Variants in WDFY2 observed in about 807,000 individuals in gnomAD.
WDFY2 encodes WD repeat and FYVE domain containing 2, also known as WD repeat and FYVE domain-containing protein 2.
In WDFY2, 36 loss-of-function variants were observed where a neutral mutation model predicts 56.4. That is an observed-to-expected ratio of 0.64 (90% CI 0.49 to 0.84). The LOEUF is 0.84. WDFY2 is among the 40% of genes least tolerant of loss of function. The pLI, the probability that WDFY2 is intolerant of heterozygous loss-of-function variation, is 0.00. For synonymous variants in WDFY2, 176 were observed against 183.7 expected, an observed-to-expected ratio of 0.96 and a Z score of 0.34; for missense variants, 444 against 512.2, an observed-to-expected ratio of 0.87 and a Z score of 1.29.
intron 1 of WDFY2, among the ~76,000 whole-genome samples, chr13:51,598,186 C>A (rs946451471): frequency 1.3e-5 from 2 of 152,038 alleles, no homozygotes; most frequent in Admixed American, 1.3e-4. Context: ...ATGGTGAAAC[C>A]CTGTCTCTAC....
chr13:51,594,736 G>T (rs571927867), intron 1 of WDFY2, among the ~76,000 whole-genome samples: 1 of 152,178 alleles, frequency 6.6e-6, no homozygotes, highest in Non-Finnish European at 1.5e-5. Context: ...CTCAGTTTCC[G>T]TGTCTGCAAA....
chr13:51,679,974 A>G (rs1955950845), intron 3 of WDFY2, among the ~76,000 whole-genome samples: 1 of 152,028 alleles, frequency 6.6e-6, no homozygotes, highest in South Asian at 2.1e-4. Context: ...GCCCACGCCA[A>G]AGAGCAGTGG....
intron 1 of WDFY2, among the ~76,000 whole-genome samples, chr13:51,614,186 CAAAAAAAAAAAAA>C (rs771044291): frequency 1.6e-5 from 1 of 60,948 alleles, no homozygotes; most frequent in East Asian, 4.7e-4. Context: ...ACTCGGTCTC[CAAAAAAAAAAAAA>C]AAAAAAAAAA....
intron 1 of WDFY2, 96 bp from the exon 2 acceptor site, chr13:51,660,500 C>T (rs1289492343): frequency 8.1e-7 from 1 of 1,227,068 alleles, no homozygotes; most frequent in African/African-American, 1.5e-5. Context: ...CCTGGCCTCT[C>T]TATATATAAT....
intron 2 of WDFY2, among the ~76,000 whole-genome samples, chr13:51,670,187 A>G (rs931375193): frequency 6.6e-6 from 1 of 151,764 alleles, no homozygotes; most frequent in Middle Eastern, 3.2e-3. Context: ...CCCCTTTGAT[A>G]TTTGTCTTGC....
intron 2 of WDFY2, 138 bp from the exon 3 acceptor site, chr13:51,675,031 TG>T: frequency 1.5e-6 from 1 of 677,986 alleles, no homozygotes; most frequent in Non-Finnish European, 2.6e-6. Context: ...TTTTATTTTT[TG>T]GTGAGTGGAT....
chr13:51,723,652 G>T lies in WDFY2; in HGVS notation c.486-4026G>T, dbSNP rs147273330. On this transcript the variant is annotated intron_variant, in intron 5 of 11. Coordinates refer to ENST00000298125, the MANE Select transcript of WDFY2 (RefSeq NM_052950.4). Reference sequence around the variant, plus strand: ...TTCAGCCTTTTAGTGAGAGCATTTGGTTCTCACCAAGTGTGCTTCATAGAG... The same window carrying T: ...TTCAGCCTTTTAGTGAGAGCATTTGTTTCTCACCAAGTGTGCTTCATAGAG... Among the ~76,000 whole-genome samples, 111 of 152,176 alleles carry T rather than the reference G, an allele frequency of 7.3e-4. 1 individual carries two copies. The East Asian group carries it at 0.015, about 21-fold the overall frequency.
intron 5 of WDFY2, among the ~76,000 whole-genome samples, chr13:51,724,506 G>C (rs962318772): frequency 6.6e-6 from 1 of 152,166 alleles, no homozygotes; most frequent in South Asian, 2.1e-4. Flanking sequence ...CAGAGTGCTG[G>C]GATTACAGGC....
chr13:51,620,776 G>T (rs1954710354), intron 1 of WDFY2, among the ~76,000 whole-genome samples: 2 of 152,134 alleles, frequency 1.3e-5, no homozygotes, highest in Non-Finnish European at 2.9e-5. Flanking sequence ...TCTTTCCCCA[G>T]AATCCTAAAT....
In WDFY2 at chr13:51,586,393, C is replaced by T. The variant is rs547256719; in HGVS notation, c.137+1569C>T. 58 of 239,886 alleles carry T rather than the reference C, an allele frequency of 2.4e-4. No individual in the cohort carries two copies. In the East Asian group the frequency reaches 4.0e-3, roughly 17 times the overall value. The allele number at this position is 239,886 out of a possible 1,614,324, so 14.9% of individuals were successfully genotyped here. ...CAAGAAAAGGAGAAGGGTAGTTAAA[C>T]CTAAGCTGCTTTAATATTTTATTTA... On this transcript the variant is annotated intron_variant, in intron 1 of 11. Transcript: ENST00000298125.
rs1953572703 is a variant in WDFY2, at chr13:51,761,238, A to G, written c.*1469A>G. 6.6e-6 allele frequency: 1 copy of G among 152,236 alleles called. No homozygotes were observed. Among genetic ancestry groups the G allele is most frequent in the South Asian group, 2.1e-4 (1 of 4,828 alleles). The allele number at this position is 152,236 out of a possible 1,614,324, so 9.4% of individuals were successfully genotyped here. A position where few individuals can be genotyped will look rare whatever the true frequency, so the allele number is the denominator to read the frequency against. On this transcript the variant is annotated 3_prime_UTR_variant, in exon 12 of 12. Transcript: ENST00000298125. ...TGGAAAAGAGGACTTTAGAAAGTGA[A>G]CCTGAAGAACTCTTATTTCTAAGGG...
At chr13:51,727,638 A>C (rs781251053) in intron 5 of WDFY2, 40 bp from the exon 6 acceptor site, 1 of 1,585,434 alleles carries the variant, frequency 6.3e-7, no homozygotes, top group Admixed American at 1.7e-5. Context: ...AAATTCCCTC[A>C]TTTAATTTTG....
intron 7 of WDFY2, among the ~76,000 whole-genome samples, chr13:51,746,172 G>C (rs1953099432): frequency 6.6e-6 from 1 of 151,740 alleles, no homozygotes; most frequent in African/African-American, 2.4e-5. Context: ...AGTAGAGACA[G>C]GGTTTCTCCA....
intron 5 of WDFY2, among the ~76,000 whole-genome samples, chr13:51,719,980 G>A (rs1256004999): frequency 2.6e-5 from 4 of 152,176 alleles, no homozygotes; most frequent in Admixed American, 6.5e-5. Flanking sequence ...ACAGCTGCCC[G>A]ACTAGGCTCC....
intron 1 of WDFY2, among the ~76,000 whole-genome samples, chr13:51,601,005 A>G (rs933758991): frequency 2.0e-5 from 3 of 152,184 alleles, no homozygotes; most frequent in African/African-American, 7.2e-5. Flanking sequence ...TAAGATGAAG[A>G]ATGGGTAGGT....
intron 3 of WDFY2, among the ~76,000 whole-genome samples, chr13:51,695,047 A>C (rs1951836101): frequency 6.6e-6 from 1 of 152,086 alleles, no homozygotes; most frequent in Non-Finnish European, 1.5e-5. Context: ...TCCTTTAAGC[A>C]CTTCTCTATA....
chr13:51,691,993 TTGTC>T (rs1175300873), intron 3 of WDFY2, among the ~76,000 whole-genome samples: 1 of 151,520 alleles, frequency 6.6e-6, no homozygotes, highest in East Asian at 1.9e-4. Context: ...ATTTGGCTGT[TTGTC>T]TGTTATTGGT....
intron 1 of WDFY2, among the ~76,000 whole-genome samples, chr13:51,614,226 G>T (rs919543055): frequency 6.7e-6 from 1 of 149,050 alleles, no homozygotes; most frequent in African/African-American, 2.5e-5. Flanking sequence ...TCTGTGAATA[G>T]AGAACTTGCC....
At chr13:51,618,717 G>A (rs558126509) in intron 1 of WDFY2, among the ~76,000 whole-genome samples, 8 of 152,288 alleles carry the variant, frequency 5.3e-5, no homozygotes, top group African/African-American at 9.6e-5. Context: ...GTTGCATCAC[G>A]GCCTGTGGCT....
Sources: allele counts gnomAD v4.1 joint callset (sites outside exome capture counted in the v4.1 genomes callset), GRCh38; gene constraint gnomAD v4.1.1; transcripts MANE v1.5; gene names NCBI Gene and HGNC (gene_info 2026-07-23, HGNC 2026-07-21).